DMRT1: variants seen among roughly 807,000 people sequenced by gnomAD.
The protein encoded by DMRT1 is doublesex and mab-3 related transcription factor 1.
A neutral mutation model predicts 32.3 loss-of-function variants in DMRT1; 7 were observed. The observed-to-expected ratio is 0.22, with a 90% confidence interval of 0.12 to 0.41. The LOEUF (loss-of-function observed/expected upper bound fraction) is 0.41. Among genes scored for constraint, DMRT1 ranks in the 10% least tolerant of loss-of-function variants. DMRT1 has a pLI of 1.00. For synonymous variants in DMRT1, 278 were observed against 206.1 expected (o/e 1.35, Z -2.99); for missense variants, 625 against 500.5 (o/e 1.25, Z -2.37).
At chr9:870,709 C>CATTTTTTTT (rs1816206646) in intron 2 of DMRT1, among the ~76,000 whole-genome samples, 1 of 69,560 alleles carries the variant, frequency 1.4e-5, no homozygotes, top group Non-Finnish European at 2.5e-5. Context: ...ATTTTCTTGA[C>CATTTTTTTT]TTTTTTTTTT....
intron 4 of DMRT1, among the ~76,000 whole-genome samples, chr9:918,745 C>G (rs541139898): frequency 4.6e-5 from 7 of 151,600 alleles, no homozygotes; most frequent in African/African-American, 1.7e-4. Context: ...TCAGCACTAT[C>G]TACTTTGGAA....
intron 2 of DMRT1, among the ~76,000 whole-genome samples, chr9:870,224 C>A (rs899094028): frequency 2.0e-5 from 3 of 152,092 alleles, no homozygotes; most frequent in Non-Finnish European, 2.9e-5. Flanking sequence ...ACGGTGAAAC[C>A]CCGTTTCTAC....
At chr9:857,621 T>A (rs1815455628) in intron 2 of DMRT1, among the ~76,000 whole-genome samples, 1 of 152,014 alleles carries the variant, frequency 6.6e-6, no homozygotes, top group Non-Finnish European at 1.5e-5. Context: ...AATCTGTGAG[T>A]TTCTTTTTTT....
rs532861666 is a variant in DMRT1, at chr9:945,826, G to A, written c.968-22159G>A. ...CCTCATTTTATTTATTTTAACAGTT[G>A]CCTCAAGAGCTAAACTCTTGATGTG... On this transcript the variant is annotated intron_variant, in intron 4 of 4. Transcript: ENST00000382276. Among the ~76,000 whole-genome samples the A allele has an allele frequency of 2.2e-4, 32 of 148,772 alleles. No individual in the cohort carries two copies. In the East Asian group the frequency reaches 6.1e-3, roughly 28 times the overall value.
chr9:917,081 T>C (rs1205980201), intron 4 of DMRT1, among the ~76,000 whole-genome samples, 174 bp downstream of exon 4: 1 of 152,220 alleles, frequency 6.6e-6, no homozygotes, highest in African/African-American at 2.4e-5. Context: ...GACTTTGCTA[T>C]GCTTGATTCT....
chr9:923,911 A>G (rs1008044966), intron 4 of DMRT1, among the ~76,000 whole-genome samples: 9 of 152,264 alleles, frequency 5.9e-5, no homozygotes, highest in African/African-American at 2.2e-4. Flanking sequence ...TGTTTTCGTT[A>G]TGTGTCCATT....
chr9:893,948 C>T lies in DMRT1; in HGVS notation c.575C>T (p.Thr192Ile), dbSNP rs1337087868. The T allele has an allele frequency of 2.5e-6, 4 of 1,613,922 alleles. No individual in the cohort carries two copies. The highest frequency in any genetic ancestry group is 3.4e-6 in the Non-Finnish European group (4 of 1,179,860). Reference protein sequence around the residue: ...RMVIQDIPAVTSRGHVENTPD... With the variant: ...RMVIQDIPAVISRGHVENTPD... ...GTCATCCAGGATATTCCTGCTGTCA[C>T]CAGCAGAGGGCATGTGGAGAACACA... Residue 192 changes from threonine (T) to isoleucine (I), a missense_variant, in exon 3 of 5, where the codon ACC becomes ATC. Transcript: ENST00000382276.
intron 4 of DMRT1, among the ~76,000 whole-genome samples, chr9:942,703 TAGTC>T (rs1289351894): frequency 6.6e-6 from 1 of 152,240 alleles, no homozygotes; most frequent in African/African-American, 2.4e-5. Flanking sequence ...CTTGTGTTCA[TAGTC>T]AGATTTTCCA....
chr9:950,390 C>T (rs1404773070), intron 4 of DMRT1, among the ~76,000 whole-genome samples: 1 of 152,068 alleles, frequency 6.6e-6, no homozygotes, highest in Non-Finnish European at 1.5e-5. Context: ...GCACTGTGGT[C>T]TCTTGTGAAC....
At chr9:881,532 T>C (rs1816736838) in intron 2 of DMRT1, among the ~76,000 whole-genome samples, 1 of 152,192 alleles carries the variant, frequency 6.6e-6, no homozygotes, top group African/African-American at 2.4e-5. Context: ...AACATGTATC[T>C]TTGCTACCTT....
At chr9:894,405 G>A (rs1055174848) in intron 3 of DMRT1, 1 of 620,704 alleles carries the variant, frequency 1.6e-6, no homozygotes, top group African/African-American at 1.8e-5. Context: ...TTTTTACTCT[G>A]TCAATAATGC....
chr9:933,972 C>A (rs982683640), intron 4 of DMRT1, among the ~76,000 whole-genome samples: 2 of 151,588 alleles, frequency 1.3e-5, no homozygotes, highest in Admixed American at 1.3e-4. Flanking sequence ...TATTGAGTGA[C>A]TGCTAACAGA....
At chr9:926,681 C>G (rs1818534333) in intron 4 of DMRT1, among the ~76,000 whole-genome samples, 1 of 85,302 alleles carries the variant, frequency 1.2e-5, no homozygotes, top group African/African-American at 4.5e-5. Flanking sequence ...CTAGAGAAGA[C>G]ACAGGTAGAG....
chr9:902,252 G>T (rs1817615850), intron 3 of DMRT1, among the ~76,000 whole-genome samples: 1 of 147,428 alleles, frequency 6.8e-6, no homozygotes, highest in Admixed American at 6.8e-5. Context: ...TTAGATGGTG[G>T]GATGTTTTTT....
chr9:882,787 TG>T (rs1163652866), intron 2 of DMRT1, among the ~76,000 whole-genome samples: 3 of 146,132 alleles, frequency 2.1e-5, no homozygotes, highest in Non-Finnish European at 4.5e-5. Flanking sequence ...TTTGTCTGTC[TG>T]AGACAGTCTC....
chr9:861,206 C>A (rs766714202), intron 2 of DMRT1, among the ~76,000 whole-genome samples: 1 of 151,792 alleles, frequency 6.6e-6, no homozygotes, highest in Admixed American at 6.6e-5. Context: ...AGGGCCCTGC[C>A]GCCTTCCGTC....
At chr9:940,307 C>G (rs900661844) in intron 4 of DMRT1, among the ~76,000 whole-genome samples, 2 of 152,094 alleles carry the variant, frequency 1.3e-5, no homozygotes, top group Non-Finnish European at 2.9e-5. Context: ...AGGGTGGAAA[C>G]CCAAGTGCCC....
At chr9:961,706 A>C (rs1179125248) in intron 4 of DMRT1, among the ~76,000 whole-genome samples, 1 of 152,222 alleles carries the variant, frequency 6.6e-6, no homozygotes, top group Non-Finnish European at 1.5e-5. Context: ...TGAAAAAGGC[A>C]ACATGTATGT....
At chr9:957,995 C>A (rs752210037) in intron 4 of DMRT1, among the ~76,000 whole-genome samples, 2 of 151,810 alleles carry the variant, frequency 1.3e-5, no homozygotes, top group Non-Finnish European at 2.9e-5. Flanking sequence ...GGGGATAGAG[C>A]GAGACTCTGT....
Sources: allele counts gnomAD v4.1 joint callset (sites outside exome capture counted in the v4.1 genomes callset), GRCh38; gene constraint gnomAD v4.1.1; transcripts MANE v1.5; gene names NCBI Gene and HGNC (gene_info 2026-07-23, HGNC 2026-07-21).